The following NAPEPLD variants were observed in gnomAD, a reference collection of about 807,000 sequenced individuals.
NAPEPLD encodes the protein N-acyl phosphatidylethanolamine phospholipase D, also known as N-acyl-phosphatidylethanolamine-hydrolyzing phospholipase D.
NAPEPLD carries 23 observed loss-of-function variants against 38.1 expected under a neutral mutation model. The ratio of observed to expected loss-of-function variants is 0.60; its 90% CI spans 0.43 to 0.86. NAPEPLD has a LOEUF of 0.86. Ranked by LOEUF, NAPEPLD falls within the 40% of genes least tolerant of loss-of-function variation. NAPEPLD has a pLI of 0.00. For missense variants in NAPEPLD, 411 were observed against 476.8 expected, an observed-to-expected ratio of 0.86 and a Z score of 1.28; for synonymous variants, 147 against 162.0, an observed-to-expected ratio of 0.91 and a Z score of 0.71.
chr7:103,143,359 C>T (rs1811879924), intron 1 of NAPEPLD, among the ~76,000 whole-genome samples: 1 of 151,696 alleles, frequency 6.6e-6, no homozygotes, highest in Admixed American at 6.6e-5. Flanking sequence ...ATCTAGTGTT[C>T]TTTAATCTGT....
chr7:103,140,585 G>C (rs1351678444), intron 1 of NAPEPLD, among the ~76,000 whole-genome samples: 3 of 151,798 alleles, frequency 2.0e-5, no homozygotes, highest in African/African-American at 4.8e-5. Context: ...AGTAGAGACG[G>C]GGTTTCACCA....
At chr7:103,108,420 C>T (rs561558830) in intron 4 of NAPEPLD, among the ~76,000 whole-genome samples, 72 of 152,264 alleles carry the variant, frequency 4.7e-4, no homozygotes, top group African/African-American at 1.6e-3. Flanking sequence ...GGATTACAGG[C>T]GTGAGCCACC....
chr7:103,120,701 CTTTTTT>C (rs869141133), intron 2 of NAPEPLD, among the ~76,000 whole-genome samples: 1,318 of 82,400 alleles, frequency 0.016, 8 homozygotes, highest in African/African-American at 0.057. Flanking sequence ...TGATATTTTT[CTTTTTT>C]TTTTTTTTTT....
At chr7:103,121,575 T>C (rs559482269) in intron 2 of NAPEPLD, among the ~76,000 whole-genome samples, 2 of 152,310 alleles carry the variant, frequency 1.3e-5, no homozygotes, top group South Asian at 4.1e-4. Context: ...CTTCTCTCTT[T>C]AGGAAGTTCA....
chr7:103,105,932 CAAAAAAAAAAA>C (rs1194781765), intron 4 of NAPEPLD, among the ~76,000 whole-genome samples: 1 of 49,970 alleles, frequency 2.0e-5, no homozygotes, highest in Non-Finnish European at 3.7e-5. Context: ...GACTCCGTCT[CAAAAAAAAAAA>C]AAAAAAAAAA....
At chr7:103,142,536 G>C (rs1261126946) in intron 1 of NAPEPLD, among the ~76,000 whole-genome samples, 4 of 152,138 alleles carry the variant, frequency 2.6e-5, no homozygotes, top group African/African-American at 9.7e-5. Context: ...AACCAGGGAG[G>C]CAGAGGTTGC....
At chr7:103,142,946 A>T (rs564289560) in intron 1 of NAPEPLD, among the ~76,000 whole-genome samples, 1 of 152,222 alleles carries the variant, frequency 6.6e-6, no homozygotes, top group Non-Finnish European at 1.5e-5. Flanking sequence ...AAAACTGGCC[A>T]GGTACAGGGG....
At chr7:103,127,287 G>C (rs1808026881) in intron 2 of NAPEPLD, 1 of 152,154 alleles carries the variant, frequency 6.6e-6, no homozygotes, top group Non-Finnish European at 1.5e-5. Context: ...AGCCACACTA[G>C]AAATAAAGTT....
chr7:103,149,323 G>T, upstream of NAPEPLD: 1 of 1,117,752 alleles, frequency 8.9e-7, no homozygotes, highest in Non-Finnish European at 1.1e-6. Context: ...TCAGTTCCGC[G>T]GCTTCCGGCC....
chr7:103,140,968 T>TA (rs138292351), intron 1 of NAPEPLD, among the ~76,000 whole-genome samples: 1,682 of 152,178 alleles, frequency 0.011, 35 homozygotes, highest in African/African-American at 0.039. Flanking sequence ...GCTGGCAAAA[T>TA]AGGCAAGCAA....
chr7:103,138,892 G>A (rs1810638320), intron 1 of NAPEPLD, among the ~76,000 whole-genome samples: 1 of 152,166 alleles, frequency 6.6e-6, no homozygotes, highest in African/African-American at 2.4e-5. Flanking sequence ...ATCTTCGGCT[G>A]CACCAAAGAG....
intron 2 of NAPEPLD, among the ~76,000 whole-genome samples, chr7:103,120,948 G>A (rs972572319): frequency 4.6e-5 from 7 of 151,986 alleles, no homozygotes; most frequent in Non-Finnish European, 5.9e-5. Flanking sequence ...CTGGGCTCAA[G>A]CAATCATCCT....
chr7:103,112,189 C>G (rs916147187), intron 4 of NAPEPLD, among the ~76,000 whole-genome samples: 2 of 152,108 alleles, frequency 1.3e-5, no homozygotes, highest in Non-Finnish European at 2.9e-5. Context: ...GTGGAAGACA[C>G]TGTGGCGATT....
chr7:103,127,892 G>C (rs1228244614), intron 2 of NAPEPLD: 1 of 152,534 alleles, frequency 6.6e-6, no homozygotes, highest in Non-Finnish European at 1.5e-5. Flanking sequence ...AATAGAAGAA[G>C]GCCAAGTAGA....
intron 4 of NAPEPLD, 116 bp downstream of exon 4, chr7:103,114,944 G>T: frequency 1.4e-6 from 1 of 695,016 alleles, no homozygotes; most frequent in Non-Finnish European, 2.5e-6. Context: ...CAGTGACTGT[G>T]ATGACTGTGC....
intron 4 of NAPEPLD, among the ~76,000 whole-genome samples, chr7:103,108,131 ATTCTTTTTTT>A (rs764687346): frequency 1.1e-5 from 1 of 94,580 alleles, no homozygotes; most frequent in Non-Finnish European, 2.1e-5. Context: ...AATATTCAAC[ATTCTTTTTTT>A]TTTTTTTTTT....
rs1802229451 is a variant in NAPEPLD, at chr7:103,100,367, T to G, written c.*3062A>C. 6.6e-6 allele frequency: 1 copy of G among 152,236 alleles called. No homozygotes were observed. The highest frequency in any genetic ancestry group is 6.5e-5 in the Admixed American group (1 of 15,286). 9.4% of individuals were successfully genotyped at this position (152,236 alleles called of 1,614,324 possible). On this transcript the variant is annotated 3_prime_UTR_variant, in exon 5 of 5. Transcript: ENST00000465647. ...TAGATTCTAAAACTGTGTCTTCTTGTCCTCTCATTAGTTTGAATAATCACA... is the reference window on the plus strand; with the variant it reads ...TAGATTCTAAAACTGTGTCTTCTTGGCCTCTCATTAGTTTGAATAATCACA...
rs753846829 is a variant in NAPEPLD at position 103,128,740 on chromosome 7, T to C, written c.37A>G (p.Ser13Gly). Residue 13 changes from serine (S) to glycine (G), a missense_variant, in exon 2 of 5, where the codon AGC becomes GGC. Ser to Gly is a moderately conservative substitution (Grantham distance 56). Coordinates refer to ENST00000465647, the MANE Select transcript of NAPEPLD (RefSeq NM_001122838.3). Reference protein sequence around the residue: ...ENESNQSLMTSSQYPKEAVRK... With the variant: ...ENESNQSLMTGSQYPKEAVRK... ...ACTGCTTCTTTAGGATATTGGCTGC[T>C]TGTCATCAGAGACTGGTTGCTTTCA... The C allele has an allele frequency of 1.9e-6, 3 of 1,613,600 alleles. No individual in the cohort carries two copies. In the African/African-American group the frequency reaches 4.0e-5, roughly 22 times the overall value.
intron 2 of NAPEPLD, chr7:103,127,540 G>C (rs1212979148): frequency 3.3e-5 from 5 of 152,160 alleles, no homozygotes; most frequent in African/African-American, 1.2e-4. Context: ...AGACACAAGG[G>C]AGCCCAGGAG....
Sources: gnomAD v4.1 joint callset for allele counts (sites outside exome capture counted in the v4.1 genomes callset) on GRCh38, gnomAD v4.1.1 for gene constraint, MANE v1.5 for transcripts, NCBI Gene and HGNC (gene_info 2026-07-23, HGNC 2026-07-21) for gene names.